The following TENM2 variants were observed in gnomAD, a reference collection of about 807,000 sequenced individuals.
TENM2 encodes the protein teneurin transmembrane protein 2, also known as teneurin-2.
TENM2 carries 52 observed loss-of-function variants against 245.2 expected under a neutral mutation model. The observed-to-expected ratio is 0.21, with a 90% CI of 0.17 to 0.27. TENM2 has a LOEUF of 0.27. Ranked by LOEUF, TENM2 falls within the 10% of genes least tolerant of loss-of-function variation. The pLI is 1.00. For missense variants in TENM2, 3,046 were observed against 3,666.8 expected, an observed-to-expected ratio of 0.83 and a Z score of 4.37; for synonymous variants, 1,363 against 1,438.9, an observed-to-expected ratio of 0.95 and a Z score of 1.19.
At position 168,105,482 on chromosome 5, in the gene TENM2, C is replaced by A. The variant is rs186240325; in HGVS notation, c.1813+7355C>A. 4.1e-4 allele frequency among the ~76,000 whole-genome samples: 63 copies of A among 152,332 alleles called. 1 individual carries two copies. The Middle Eastern group carries it at 0.014, about 33-fold the overall frequency. ...GCCTTATCACACAGGTGCACCTGGT[C>A]TCCTGGGCCGTGAGAGACCGGGTCA... On this transcript the variant is annotated intron_variant, in intron 9 of 28. Coordinates refer to ENST00000518659, the Ensembl canonical transcript of TENM2.
the TENM2 span, among the ~76,000 whole-genome samples, chr5:167,107,467 A>G: frequency 6.6e-6 from 1 of 152,190 alleles, no homozygotes. Context: ...AGAGAAAGGA[A>G]TAAAGATTCA....
intron 13 of TENM2, among the ~76,000 whole-genome samples, chr5:168,170,471 C>A (rs7733899): frequency 0.18 from 26,888 of 151,748 alleles, 3,041 homozygotes; most frequent in East Asian, 0.48. Context: ...ACCACTGCAG[C>A]ACTCCAGCCT....
At chr5:167,749,646 A>G (rs2150637687) in intron 2 of TENM2, among the ~76,000 whole-genome samples, 1 of 152,198 alleles carries the variant, frequency 6.6e-6, no homozygotes, top group East Asian at 1.9e-4. Flanking sequence ...TCAAAAAAAA[A>G]AAAAATCAAT....
chr5:167,014,219 G>A, the TENM2 span, among the ~76,000 whole-genome samples: 2 of 145,046 alleles, frequency 1.4e-5, no homozygotes, highest in South Asian at 2.2e-4. Flanking sequence ...GTTTCATAGT[G>A]TCAAAGAATT....
intron 12 of TENM2, among the ~76,000 whole-genome samples, chr5:168,140,624 T>C (rs1755460632): frequency 6.6e-6 from 1 of 152,224 alleles, no homozygotes; most frequent in African/African-American, 2.4e-5. Flanking sequence ...TGTCTCTGCA[T>C]TGGTCATTGG....
At chr5:167,285,449 C>T (rs967946931) in intron 1 of TENM2, among the ~76,000 whole-genome samples, 3 of 152,170 alleles carry the variant, frequency 2.0e-5, no homozygotes, top group Non-Finnish European at 4.4e-5. Context: ...ATACGTTTCT[C>T]TTTTTGTGTT....
At chr5:167,299,594 T>C (rs1433633324) in intron 1 of TENM2, among the ~76,000 whole-genome samples, 1 of 152,170 alleles carries the variant, frequency 6.6e-6, no homozygotes, top group Non-Finnish European at 1.5e-5. Context: ...TGAGAGGTTT[T>C]AAGAGGCAGG....
At chr5:167,682,094 ATCCC>A (rs1210507799) in intron 2 of TENM2, among the ~76,000 whole-genome samples, 21,803 of 91,990 alleles carry the variant, frequency 0.24, 2,064 homozygotes, top group East Asian at 0.39. Context: ...TCCTTCCTCC[ATCCC>A]TCCCTCCCTC....
chr5:167,123,133 A>C, the TENM2 span, among the ~76,000 whole-genome samples: 1 of 147,120 alleles, frequency 6.8e-6, no homozygotes. Context: ...CCCCATCTCT[A>C]CTAAAAATAC....
intron 23 of TENM2, among the ~76,000 whole-genome samples, chr5:168,225,179 T>C (rs1764043764): frequency 6.6e-6 from 1 of 152,070 alleles, no homozygotes; most frequent in Non-Finnish European, 1.5e-5. Flanking sequence ...CATGGCGGTT[T>C]AGTGGGGACC....
At chr5:167,629,474 T>C (rs1030494047) in intron 2 of TENM2, among the ~76,000 whole-genome samples, 10 of 152,226 alleles carry the variant, frequency 6.6e-5, no homozygotes, top group African/African-American at 2.4e-4. Flanking sequence ...CACAATGCCA[T>C]GTTGGTACAT....
Position 168,161,817 on chromosome 5 carries a change from T to TACACACACACAC in TENM2, c.2423-778_2423-767dup, listed in dbSNP as rs113801768. On this transcript the variant is annotated intron_variant, in intron 12 of 28. Transcript: ENST00000518659. ...TTGCACAGACACGTGAGCGCATGTA[T>TACACACACACAC]ACACACACACACACACACACACACA... Among the ~76,000 whole-genome samples the TACACACACACAC allele has an allele frequency of 6.0e-3, 890 of 147,352 alleles. 8 individuals are homozygous for TACACACACACAC. The highest frequency in any genetic ancestry group is 0.014 in the African/African-American group (568 of 39,774).
At chr5:167,673,759 A>ATT (rs35400041) in intron 2 of TENM2, among the ~76,000 whole-genome samples, 25 of 147,856 alleles carry the variant, frequency 1.7e-4, no homozygotes, top group East Asian at 5.9e-4. Flanking sequence ...CCAATACCTT[A>ATT]TTTTTTTTTT....
rs368233260 is a variant in TENM2 at position 167,894,921 on chromosome 5, A to AGAAGGAAGGAAGGAAGGAAG, written c.712+18777_712+18796dup. Among the ~76,000 whole-genome samples, 200 of 82,954 alleles carry AGAAGGAAGGAAGGAAGGAAG rather than the reference A, an allele frequency of 2.4e-3. 3 individuals carry two copies. The highest frequency in any genetic ancestry group is 3.2e-3 in the Non-Finnish European group (136 of 42,638). 54.4% of individuals were successfully genotyped at this position (82,954 alleles called of 152,430 possible). On this transcript the variant is annotated intron_variant, in intron 3 of 28. Transcript: ENST00000518659. ...GTTGCCTCTTCTACTCACCCTGGAA[A>AGAAGGAAGGAAGGAAGGAAG]GAAGGAAGGAAGGAAGGAAGGAAGG...
At chr5:167,190,183 A>G in the TENM2 span, among the ~76,000 whole-genome samples, 1 of 152,280 alleles carries the variant, frequency 6.6e-6, no homozygotes, top group South Asian at 2.1e-4. Flanking sequence ...TGACAAGAGT[A>G]TAATGGGTAT....
At chr5:168,149,421 G>T (rs1247279644) in intron 12 of TENM2, 1 of 457,182 alleles carries the variant, frequency 2.2e-6, no homozygotes, top group Admixed American at 2.3e-5. Context: ...TGCATCAACA[G>T]GGGTAGTTGG....
intron 3 of TENM2, among the ~76,000 whole-genome samples, chr5:167,939,316 A>T (rs1001660063): frequency 1.4e-4 from 22 of 152,110 alleles, no homozygotes; most frequent in African/African-American, 5.1e-4. Context: ...TAGGGTTCAC[A>T]CTCCTCTGAA....
At chr5:167,226,935 C>T in the TENM2 span, among the ~76,000 whole-genome samples, 1 of 151,596 alleles carries the variant, frequency 6.6e-6, no homozygotes, top group Non-Finnish European at 1.5e-5. Context: ...ATATAGTCAC[C>T]ATATATATGT....
At chr5:167,368,983 C>T (rs1397084973) in intron 1 of TENM2, among the ~76,000 whole-genome samples, 1 of 152,102 alleles carries the variant, frequency 6.6e-6, no homozygotes, top group East Asian at 1.9e-4. Flanking sequence ...GCGCTGGTCT[C>T]CACGGACAAC....
Sources: allele counts gnomAD v4.1 joint callset (sites outside exome capture counted in the v4.1 genomes callset), GRCh38; gene constraint gnomAD v4.1.1; transcripts MANE v1.5; gene names NCBI Gene and HGNC (gene_info 2026-07-23, HGNC 2026-07-21).